Variants in CYP4X1 observed in about 807,000 individuals in gnomAD.
The protein encoded by CYP4X1 is cytochrome P450 4X1.
In CYP4X1, 44 loss-of-function variants were observed where a neutral mutation model predicts 57.9. The ratio of observed to expected loss-of-function variants is 0.76; its 90% CI spans 0.60 to 0.98. CYP4X1 has a LOEUF of 0.98. Among genes scored for constraint, CYP4X1 ranks in the 50% least tolerant of loss-of-function variants. CYP4X1 has a pLI of 0.00. For synonymous variants in CYP4X1, 227 were observed against 228.6 expected, an observed-to-expected ratio of 0.99 and a Z score of 0.06; for missense variants, 532 against 623.9, an observed-to-expected ratio of 0.85 and a Z score of 1.57.
At chr1:47,014,910 G>C in the CYP4X1 span, among the ~76,000 whole-genome samples, 1 of 152,174 alleles carries the variant, frequency 6.6e-6, no homozygotes, top group African/African-American at 2.4e-5. Flanking sequence ...AGGTCGTATA[G>C]CCCACAGGTC....
chr1:46,968,448 C>G, the CYP4X1 span, among the ~76,000 whole-genome samples: 6 of 152,192 alleles, frequency 3.9e-5, no homozygotes, highest in Non-Finnish European at 8.8e-5. Flanking sequence ...GCCTCGCCCA[C>G]CTCTTACCTG....
Position 47,023,889 on chromosome 1 carries a change from G to C in CYP4X1, c.72G>C (p.Leu24=), listed in dbSNP as rs1349548835. The change falls in exon 1 of 12, where the codon CTG becomes CTC. Residue 24 remains leucine (L), a synonymous_variant. Coordinates refer to ENST00000371901, the MANE Select transcript of CYP4X1 (RefSeq NM_178033.2). ...TGGCGTTCGTGTTCTGCCTGGCCCT[G>C]GGGCTGCTGCAGGCCATTAAGCTGT... ...FYLAFVFCLA[L]GLLQAIKLYL... The C allele has an allele frequency of 6.2e-7, 1 of 1,613,602 alleles. No individual in the cohort carries two copies. The highest frequency in any genetic ancestry group is 8.5e-7 in the Non-Finnish European group (1 of 1,180,002).
At chr1:46,970,992 T>C in the CYP4X1 span, among the ~76,000 whole-genome samples, 1 of 152,192 alleles carries the variant, frequency 6.6e-6, no homozygotes, top group African/African-American at 2.4e-5. Context: ...GTAAATTGCA[T>C]GTCACAGGGG....
the CYP4X1 span, among the ~76,000 whole-genome samples, chr1:46,999,850 A>G: frequency 6.6e-6 from 1 of 151,506 alleles, no homozygotes; most frequent in African/African-American, 2.4e-5. Context: ...CACCATCCCT[A>G]TCTCTTTGGT....
the CYP4X1 span, among the ~76,000 whole-genome samples, chr1:47,010,218 C>A: frequency 6.6e-6 from 1 of 152,194 alleles, no homozygotes; most frequent in African/African-American, 2.4e-5. Flanking sequence ...CCACAGTGAT[C>A]AAGTGGGCTT....
chr1:46,996,986 A>AGTTGATCCCC, the CYP4X1 span, among the ~76,000 whole-genome samples: 1 of 152,358 alleles, frequency 6.6e-6, no homozygotes, highest in Middle Eastern at 3.4e-3. Context: ...TGAGGGAGGC[A>AGTTGATCCCC]GTTGATCCCC....
the CYP4X1 span, among the ~76,000 whole-genome samples, chr1:46,981,652 A>G: frequency 6.6e-6 from 1 of 152,240 alleles, no homozygotes; most frequent in Non-Finnish European, 1.5e-5. Context: ...AAAGGATTAT[A>G]AATCATGCTA....
At chr1:47,006,472 G>C in the CYP4X1 span, among the ~76,000 whole-genome samples, 1 of 152,160 alleles carries the variant, frequency 6.6e-6, no homozygotes, top group Non-Finnish European at 1.5e-5. Context: ...TGGCCGAATA[G>C]GAACAGCTCC....
the CYP4X1 span, among the ~76,000 whole-genome samples, chr1:46,968,670 C>T: frequency 6.8e-6 from 1 of 147,826 alleles, no homozygotes; most frequent in African/African-American, 2.6e-5. Flanking sequence ...GAACACTCAA[C>T]GAGGCACTCA....
the CYP4X1 span, among the ~76,000 whole-genome samples, chr1:46,978,094 C>A: frequency 6.6e-6 from 1 of 152,058 alleles, no homozygotes; most frequent in Non-Finnish European, 1.5e-5. Context: ...CAGCTAACAT[C>A]ATAATGACAG....
downstream of CYP4X1, among the ~76,000 whole-genome samples, chr1:47,051,972 G>T (rs571817625): frequency 4.6e-5 from 7 of 151,860 alleles, no homozygotes. Flanking sequence ...TTCAGGTCTG[G>T]ACATACTAGG....
chr1:47,005,110 G>A, the CYP4X1 span, among the ~76,000 whole-genome samples: 1 of 152,164 alleles, frequency 6.6e-6, no homozygotes, highest in East Asian at 1.9e-4. Context: ...AAAGGGGGAT[G>A]CCCTGAGGAA....
downstream of CYP4X1, among the ~76,000 whole-genome samples, chr1:47,054,431 A>G (rs1437983965): frequency 3.9e-5 from 6 of 152,092 alleles, no homozygotes; most frequent in East Asian, 9.7e-4. Context: ...TGAACTTTAA[A>G]GTAGTTTTTT....
At chr1:47,004,462 C>G in the CYP4X1 span, among the ~76,000 whole-genome samples, 1 of 152,154 alleles carries the variant, frequency 6.6e-6, no homozygotes, top group Non-Finnish European at 1.5e-5. Flanking sequence ...CTTTCCAACT[C>G]AGGACCCTTG....
In CYP4X1 at chr1:47,039,389, G is replaced by A. The variant is rs766538257; in HGVS notation, c.930G>A (p.Val310=). The change falls in exon 8 of 12, where the codon GTG becomes GTA. Residue 310 remains valine (V), a synonymous_variant. Coordinates refer to ENST00000371901, the MANE Select transcript of CYP4X1 (RefSeq NM_178033.2). The part of the protein sequence containing the change: ...SFSDIDVHSE[V]STFLLAGHDT... ...CAGATATTGATGTACACTCTGAAGTGAGCACATTCCTGTTGGCAGGACATG... is the reference window on the plus strand; with the variant it reads ...CAGATATTGATGTACACTCTGAAGTAAGCACATTCCTGTTGGCAGGACATG... The A allele has an allele frequency of 2.5e-6, 4 of 1,613,316 alleles. No individual in the cohort carries two copies. Among genetic ancestry groups the A allele is most frequent in the South Asian group, 1.1e-5 (1 of 90,976 alleles).
At chr1:46,973,538 G>A in the CYP4X1 span, among the ~76,000 whole-genome samples, 1 of 152,070 alleles carries the variant, frequency 6.6e-6, no homozygotes, top group African/African-American at 2.4e-5. Flanking sequence ...GTAGAATTCA[G>A]CTGTGAATAT....
chr1:46,975,105 G>A, the CYP4X1 span, among the ~76,000 whole-genome samples: 5 of 152,082 alleles, frequency 3.3e-5, no homozygotes, highest in Non-Finnish European at 5.9e-5. Flanking sequence ...GTGTATGATT[G>A]AGTTATTATT....
upstream of CYP4X1, among the ~76,000 whole-genome samples, chr1:47,020,056 C>G (rs1643980013): frequency 6.6e-6 from 1 of 152,202 alleles, no homozygotes; most frequent in Non-Finnish European, 1.5e-5. Context: ...CTACCAAGCT[C>G]TCATGGTCTG....
the CYP4X1 span, among the ~76,000 whole-genome samples, chr1:46,992,038 G>A: frequency 2.0e-5 from 3 of 152,160 alleles, no homozygotes; most frequent in Non-Finnish European, 4.4e-5. Flanking sequence ...CAGGCATGGT[G>A]GCTAACGCTT....
Sources: allele counts gnomAD v4.1 joint callset (sites outside exome capture counted in the v4.1 genomes callset), GRCh38; gene constraint gnomAD v4.1.1; transcripts MANE v1.5; gene names NCBI Gene and HGNC (gene_info 2026-07-23, HGNC 2026-07-21).